Variants in RAB27B observed in about 807,000 individuals in gnomAD.
The protein encoded by RAB27B is ras-related protein Rab-27B.
RAB27B carries 15 observed loss-of-function variants against 24.6 expected under a neutral mutation model. The observed-to-expected ratio is 0.61, with a 90% confidence interval of 0.41 to 0.94. The LOEUF is 0.94. Ranked by LOEUF, RAB27B falls within the 40% of genes least tolerant of loss-of-function variation. The probability of loss-of-function intolerance (pLI) is 0.00; values close to 1 mark genes in which losing one functional copy is unlikely to be tolerated. For missense variants in RAB27B, 261 were observed against 266.8 expected, an observed-to-expected ratio of 0.98 and a Z score of 0.15; for synonymous variants, 105 against 92.5, an observed-to-expected ratio of 1.14 and a Z score of -0.78.
intron 2 of RAB27B, among the ~76,000 whole-genome samples, chr18:54,740,851 T>A (rs561662821): frequency 6.6e-6 from 1 of 152,134 alleles, no homozygotes; most frequent in Non-Finnish European, 1.5e-5. Flanking sequence ...GATAGATAGA[T>A]AATATAAAGA....
chr18:54,819,692 A>G (rs1261682309), intron 2 of RAB27B, among the ~76,000 whole-genome samples: 1 of 152,046 alleles, frequency 6.6e-6, no homozygotes, highest in Non-Finnish European at 1.5e-5. Flanking sequence ...ACATATGTAT[A>G]CATGTGCCAT....
chr18:54,837,632 G>A (rs1910947191), intron 1 of RAB27B, among the ~76,000 whole-genome samples: 1 of 152,104 alleles, frequency 6.6e-6, no homozygotes, highest in South Asian at 2.1e-4. Flanking sequence ...ATCTGTCAAG[G>A]AGGTCCTGGA....
At chr18:54,738,575 T>G (rs529850879) in intron 2 of RAB27B, among the ~76,000 whole-genome samples, 1 of 152,292 alleles carries the variant, frequency 6.6e-6, no homozygotes, top group South Asian at 2.1e-4. Flanking sequence ...GTGAGTCAAT[T>G]AAACCCCTTT....
At chr18:54,803,601 T>A (rs1909677654) in intron 2 of RAB27B, among the ~76,000 whole-genome samples, 1 of 152,128 alleles carries the variant, frequency 6.6e-6, no homozygotes, top group Non-Finnish European at 1.5e-5. Flanking sequence ...AATTACAGCG[T>A]AGTGCAAGCA....
rs776558449 is a variant in RAB27B at position 54,888,096 on chromosome 18, CG to C, written c.448del (p.Glu150AsnfsTer25). On this transcript the variant is annotated frameshift_variant, in exon 5 of 6. Coordinates refer to ENST00000262094, the MANE Select transcript of RAB27B (RefSeq NM_004163.4). LOFTEE classifies it high-confidence loss of function. ...DQREVNERQA[R>X]ELADKYGIPY... ...GAGGGAAGTCAATGAACGGCAAGCT[CG>C]GGAACTGGCTGACAAATATGGGTAA... 4 of 1,612,576 alleles carry C rather than the reference CG, an allele frequency of 2.5e-6. No individual in the cohort carries two copies. The highest frequency in any genetic ancestry group is 2.7e-5 in the African/African-American group (2 of 74,842).
rs760204134 is a variant in RAB27B, at chr18:54,889,304, A to G, written c.548A>G (p.Lys183Arg). Residue 183 changes from lysine to arginine, a missense_variant, in exon 6 of 6, where the codon AAG (lysine) becomes AGG (arginine). Coordinates refer to ENST00000262094, the MANE Select transcript of RAB27B (RefSeq NM_004163.4). ...GAAACCCTTTTGGACTTAATCATGA[A>G]GCGAATGGAACAGTGTGTGGAGAAG... ...AVETLLDLIM[K>R]RMEQCVEKTQ... is the part of the protein sequence containing the mutation. The G allele has an allele frequency of 2.5e-6, 4 of 1,613,482 alleles. No individual in the cohort carries two copies. Among genetic ancestry groups the G allele is most frequent in the Non-Finnish European group, 3.4e-6 (4 of 1,179,536 alleles).
intron 2 of RAB27B, among the ~76,000 whole-genome samples, chr18:54,737,711 A>G (rs1032746311): frequency 6.6e-6 from 1 of 152,208 alleles, no homozygotes; most frequent in Non-Finnish European, 1.5e-5. Flanking sequence ...ACATAGGAGA[A>G]AGGAGAAATC....
intron 2 of RAB27B, among the ~76,000 whole-genome samples, chr18:54,757,941 T>C (rs1226962159): frequency 6.6e-6 from 1 of 152,134 alleles, no homozygotes; most frequent in African/African-American, 2.4e-5. Flanking sequence ...GAAATATTTT[T>C]ATTAGTAAAT....
At chr18:54,841,069 C>T (rs1281414928) in intron 1 of RAB27B, among the ~76,000 whole-genome samples, 1 of 149,278 alleles carries the variant, frequency 6.7e-6, no homozygotes, top group East Asian at 2.0e-4. Flanking sequence ...TTGCTTGAAC[C>T]CGGGAGGCAG....
intron 2 of RAB27B, among the ~76,000 whole-genome samples, chr18:54,747,532 G>A (rs1334513471): frequency 6.6e-6 from 1 of 152,172 alleles, no homozygotes; most frequent in African/African-American, 2.4e-5. Context: ...AATGACCACA[G>A]TGGATAATTC....
At chr18:54,859,512 G>A (rs867828018) in intron 1 of RAB27B, among the ~76,000 whole-genome samples, 8 of 148,936 alleles carry the variant, frequency 5.4e-5, no homozygotes, top group Middle Eastern at 3.6e-3. Context: ...TCACCTATTC[G>A]AAAGCTAAAG....
At position 54,795,401 on chromosome 18, in the gene RAB27B, G is replaced by C. The variant is rs115261879; in HGVS notation, c.-20+77260G>C. ...AGAAAGCCAATCACTGAGATGACAA[G>C]TATCACCAAGAAAGGCTTTGATCAG... On this transcript the variant is annotated intron_variant, in intron 2 of 4. Transcript: ENST00000586570. Among the ~76,000 whole-genome samples, 811 of 152,318 alleles carry C rather than the reference G, an allele frequency of 5.3e-3. 3 individuals are homozygous for C. Among genetic ancestry groups the C allele is most frequent in the African/African-American group, 0.019 (789 of 41,562 alleles).
intron 2 of RAB27B, among the ~76,000 whole-genome samples, chr18:54,808,823 C>T (rs750250455): frequency 6.6e-6 from 1 of 152,058 alleles, no homozygotes; most frequent in Non-Finnish European, 1.5e-5. Flanking sequence ...TTATTAAAAA[C>T]AGAAAAATAT....
chr18:54,805,116 AGAGCCTCAGC>A (rs1909750463), intron 2 of RAB27B, among the ~76,000 whole-genome samples: 1 of 151,796 alleles, frequency 6.6e-6, no homozygotes, highest in East Asian at 1.9e-4. Flanking sequence ...CATCCTCCCT[AGAGCCTCAGC>A]GAGTTAAGAG....
At chr18:54,806,418 A>G (rs1245506349) in intron 2 of RAB27B, among the ~76,000 whole-genome samples, 1 of 149,608 alleles carries the variant, frequency 6.7e-6, no homozygotes, top group African/African-American at 2.4e-5. Flanking sequence ...TTTCAAGTAT[A>G]TGTAGCCAAA....
intron 1 of RAB27B, among the ~76,000 whole-genome samples, chr18:54,846,670 G>A (rs1020156202): frequency 6.6e-6 from 1 of 152,148 alleles, no homozygotes; most frequent in African/African-American, 2.4e-5. Flanking sequence ...AGAAGGCAAT[G>A]AATATCATAA....
chr18:54,745,873 A>G (rs1317709953), intron 2 of RAB27B, among the ~76,000 whole-genome samples: 1 of 148,068 alleles, frequency 6.8e-6, no homozygotes, highest in Non-Finnish European at 1.5e-5. Context: ...TAAAATAAAT[A>G]TAAGTATTTA....
At chr18:54,866,042 T>C (rs1015037010) in intron 1 of RAB27B, among the ~76,000 whole-genome samples, 3 of 152,146 alleles carry the variant, frequency 2.0e-5, no homozygotes, top group African/African-American at 7.2e-5. Flanking sequence ...AGATACCTCA[T>C]GCTGTATTAT....
Position 54,894,360 on chromosome 18 carries a change from T to A in RAB27B, c.*4947T>A, listed in dbSNP as rs2145308301. On this transcript the variant is annotated 3_prime_UTR_variant, in exon 6 of 6. Coordinates refer to ENST00000262094, the MANE Select transcript of RAB27B (RefSeq NM_004163.4). Reference sequence around the variant, plus strand: ...TAATGGCTAACATCCTTCAGCTGACTTTGTCTACAAGGATTATTAGCAAAT... The same window carrying A: ...TAATGGCTAACATCCTTCAGCTGACATTGTCTACAAGGATTATTAGCAAAT... The A allele has an allele frequency of 6.6e-6, 1 of 152,152 alleles. No individual in the cohort carries two copies. Among genetic ancestry groups the A allele is most frequent in the East Asian group, 1.9e-4 (1 of 5,178 alleles). 9.4% of individuals were successfully genotyped at this position (152,152 alleles called of 1,614,324 possible).
Sources: gnomAD v4.1 joint callset for allele counts (sites outside exome capture counted in the v4.1 genomes callset) on GRCh38, gnomAD v4.1.1 for gene constraint, MANE v1.5 for transcripts, NCBI Gene and HGNC (gene_info 2026-07-23, HGNC 2026-07-21) for gene names.